The following FRMD4A variants were observed in gnomAD, a reference collection of about 807,000 sequenced individuals.
FRMD4A encodes the protein FERM domain-containing protein 4A.
FRMD4A carries 29 observed loss-of-function variants against 129.1 expected under a neutral mutation model. That is an observed-to-expected ratio of 0.22 (90% CI 0.17 to 0.31). The LOEUF is 0.31. Among genes scored for constraint, FRMD4A ranks in the 10% least tolerant of loss-of-function variants. FRMD4A has a pLI of 1.00. For synonymous variants in FRMD4A, 634 were observed against 571.6 expected (o/e 1.11, Z -1.56); for missense variants, 1,272 against 1,375.8 (o/e 0.92, Z 1.19).
At chr10:13,768,332 T>C (rs1452401598) in intron 6 of FRMD4A, among the ~76,000 whole-genome samples, 2 of 151,926 alleles carry the variant, frequency 1.3e-5, no homozygotes, top group Admixed American at 1.3e-4. Context: ...TCTCCAAGAG[T>C]CCTGAGAGCC....
Position 13,693,906 on chromosome 10 carries a change from A to T in FRMD4A, c.1109T>A (p.Leu370Gln). ...AGCTGGCCTCTGCCTACCTGAAGAC[A>T]GCAGGCTGCCGCTGCTGCCGCTGAT... ...KIISGSSGSL[L>Q]SSGSQESDSS... is the part of the protein sequence containing the mutation. The change falls in exon 15 of 25, where the codon CTG (leucine) becomes CAG (glutamine). Residue 370 changes from leucine (L) to glutamine (Q), a missense_variant. Leu to Gln is a moderately radical substitution (Grantham distance 113). Transcript: ENST00000357447. 6.2e-7 allele frequency: 1 copy of T among 1,609,162 alleles called. No homozygotes were observed. Among genetic ancestry groups the T allele is most frequent in the African/African-American group, 1.3e-5 (1 of 74,592 alleles).
At chr10:14,329,099 A>G (rs140880173) in intron 2 of FRMD4A, among the ~76,000 whole-genome samples, 278 of 152,230 alleles carry the variant, frequency 1.8e-3, no homozygotes, top group Middle Eastern at 0.014. Flanking sequence ...CTTCCAAGTC[A>G]CCTCCATAAA....
At chr10:14,293,158 G>A (rs941757775) in intron 2 of FRMD4A, among the ~76,000 whole-genome samples, 1 of 152,160 alleles carries the variant, frequency 6.6e-6, no homozygotes, top group East Asian at 1.9e-4. Context: ...GTGTTGAGAG[G>A]TGTGGCCTAA....
At chr10:13,773,094 A>C (rs1379246751) in intron 6 of FRMD4A, among the ~76,000 whole-genome samples, 2 of 152,226 alleles carry the variant, frequency 1.3e-5, no homozygotes, top group Non-Finnish European at 2.9e-5. Context: ...ATGTACCCAC[A>C]ACAATTAAAA....
chr10:14,307,693 A>G (rs1409918075), intron 2 of FRMD4A, among the ~76,000 whole-genome samples: 1 of 152,182 alleles, frequency 6.6e-6, no homozygotes, highest in African/African-American at 2.4e-5. Flanking sequence ...AGAAATAAGG[A>G]GAAGAGATTG....
intron 2 of FRMD4A, among the ~76,000 whole-genome samples, chr10:14,039,359 T>TGTCCGTCCGTCCGTCCGTCCGTCCGTCC (rs60914319): frequency 3.9e-5 from 5 of 128,248 alleles, no homozygotes; most frequent in African/African-American, 1.5e-4. Flanking sequence ...CTTTCTGATC[T>TGTCCGTCCGTCCGTCCGTCCGTCCGTCC]GTCCGTCCGT....
At chr10:13,808,310 T>C (rs1268987253) in intron 4 of FRMD4A, among the ~76,000 whole-genome samples, 1 of 152,194 alleles carries the variant, frequency 6.6e-6, no homozygotes. Context: ...GTGTAGCACC[T>C]GTATAAAGCA....
At chr10:13,851,374 A>G (rs1057014517) in intron 3 of FRMD4A, among the ~76,000 whole-genome samples, 1 of 152,198 alleles carries the variant, frequency 6.6e-6, no homozygotes, top group Non-Finnish European at 1.5e-5. Context: ...TATAGCAGGA[A>G]TCCCCAACCC....
At chr10:14,223,077 T>C (rs1005168177) in intron 2 of FRMD4A, among the ~76,000 whole-genome samples, 3 of 151,020 alleles carry the variant, frequency 2.0e-5, no homozygotes, top group African/African-American at 7.3e-5. Flanking sequence ...ACAGAGTGAG[T>C]TGAGATTCTG....
At chr10:13,757,252 G>A (rs1056342721) in intron 8 of FRMD4A, among the ~76,000 whole-genome samples, 6 of 152,216 alleles carry the variant, frequency 3.9e-5, no homozygotes, top group African/African-American at 1.4e-4. Context: ...CTGACTTCCT[G>A]ATTGTCGACA....
chr10:13,707,837 A>T, intron 12 of FRMD4A: 2 of 985,302 alleles, frequency 2.0e-6, no homozygotes, highest in Non-Finnish European at 2.4e-6. Context: ...GGAGGGTGAG[A>T]AGTGGAATGA....
chr10:14,203,917 T>C (rs565934285), intron 2 of FRMD4A, among the ~76,000 whole-genome samples: 1 of 152,342 alleles, frequency 6.6e-6, no homozygotes, highest in African/African-American at 2.4e-5. Context: ...GCAAGATCTA[T>C]TTGTCTATCG....
At chr10:13,897,936 C>CAAAA (rs36021849) in intron 2 of FRMD4A, among the ~76,000 whole-genome samples, 1 of 72,356 alleles carries the variant, frequency 1.4e-5, no homozygotes, top group Admixed American at 1.4e-4. Context: ...GACTCCGACT[C>CAAAA]AAAAAAAAAA....
chr10:13,702,357 C>A (rs1422515548), intron 13 of FRMD4A, among the ~76,000 whole-genome samples: 1 of 152,216 alleles, frequency 6.6e-6, no homozygotes, highest in African/African-American at 2.4e-5. Context: ...AGCCACCGCA[C>A]CTGGCCCTGT....
intron 2 of FRMD4A, among the ~76,000 whole-genome samples, chr10:13,901,327 G>A (rs1035044292): frequency 6.6e-6 from 1 of 152,246 alleles, no homozygotes; most frequent in Non-Finnish European, 1.5e-5. Flanking sequence ...TGGAGGCTGG[G>A]TGTGGTGGCT....
rs562644074 is a variant in FRMD4A at position 14,330,913 on chromosome 10, C to T, written c.-398G>A. ...TCTCCCTGGCTGTACCACATGTACG[C>T]CGCATACAGACACACTCTACCTCTC... On this transcript the variant is annotated 5_prime_UTR_variant, in exon 1 of 25. Transcript: ENST00000357447. 78 of 398,620 alleles carry T rather than the reference C, an allele frequency of 2.0e-4. No individual in the cohort carries two copies. The South Asian group carries it at 9.3e-3, about 48-fold the overall frequency. 24.7% of individuals were successfully genotyped at this position (398,620 alleles called of 1,614,324 possible). A position where few individuals can be genotyped will look rare whatever the true frequency, so the allele number is the denominator to read the frequency against.
chr10:13,766,987 C>T (rs776867370), intron 6 of FRMD4A, among the ~76,000 whole-genome samples: 18 of 152,070 alleles, frequency 1.2e-4, no homozygotes, highest in South Asian at 4.2e-4. Context: ...GCAGGAGAAT[C>T]GCTTGAACCC....
At chr10:13,952,510 AAAC>A (rs1192784691) in intron 2 of FRMD4A, among the ~76,000 whole-genome samples, 1 of 152,090 alleles carries the variant, frequency 6.6e-6, no homozygotes, top group African/African-American at 2.4e-5. Flanking sequence ...CTAAAAAAGA[AAAC>A]AACAACAAAA....
intron 2 of FRMD4A, among the ~76,000 whole-genome samples, chr10:14,034,975 C>T (rs1394276934): frequency 6.6e-6 from 1 of 152,168 alleles, no homozygotes; most frequent in Non-Finnish European, 1.5e-5. Context: ...GTTCAGTTTC[C>T]TCATGTGTCA....
Sources: allele counts gnomAD v4.1 joint callset (sites outside exome capture counted in the v4.1 genomes callset), GRCh38; gene constraint gnomAD v4.1.1; transcripts MANE v1.5; gene names NCBI Gene and HGNC (gene_info 2026-07-23, HGNC 2026-07-21).